The following DNMBP variants were observed in gnomAD, a reference collection of about 807,000 sequenced individuals.
DNMBP encodes the protein dynamin-binding protein.
DNMBP carries 87 observed loss-of-function variants against 150.0 expected under a neutral mutation model. The ratio of observed to expected loss-of-function variants is 0.58; its 90% CI spans 0.49 to 0.69. DNMBP has a LOEUF of 0.69. DNMBP is among the 30% of genes least tolerant of loss of function. DNMBP has a pLI of 0.00. For missense variants in DNMBP, 1,774 were observed against 1,949.0 expected (o/e 0.91, Z 1.69); for synonymous variants, 711 against 750.4 (o/e 0.95, Z 0.86).
At chr10:99,888,799 C>T in intron 12 of DNMBP, 26 bp downstream of exon 12, 1 of 1,613,314 alleles carries the variant, frequency 6.2e-7, no homozygotes, top group Non-Finnish European at 8.5e-7. Flanking sequence ...GGAAGGGGGC[C>T]AACTTTTGAA....
intron 1 of DNMBP, among the ~76,000 whole-genome samples, chr10:100,001,709 G>A (rs2041016080): frequency 6.7e-6 from 1 of 148,900 alleles, no homozygotes; most frequent in African/African-American, 2.6e-5. Flanking sequence ...CACCGTACGT[G>A]GCCTGTGCTA....
rs372135349 is a variant in DNMBP at position 99,908,052 on chromosome 10, T to A, written c.2497A>T (p.Met833Leu). ...DFEGLFGNMQ[M>L]VIKVSKQLLA... ...AATTGCTTCGAGACCTTAATCACCATCTGCATATTTCCAAAAAGTCCCTCA... is the reference window on the plus strand; with the variant it reads ...AATTGCTTCGAGACCTTAATCACCAACTGCATATTTCCAAAAAGTCCCTCA... The change falls in exon 6 of 17, where the codon ATG becomes TTG. Residue 833 changes from methionine to leucine, a missense_variant. By Grantham distance (15) the Met-to-Leu change is conservative. Around this residue, in one of 2 missense-constraint regions of DNMBP, gnomAD observed 1,430 missense variants for 1,492.5 expected, o/e 0.96. Coordinates refer to ENST00000324109, the MANE Select transcript of DNMBP (RefSeq NM_015221.4). 51 of 1,613,960 alleles carry A rather than the reference T, an allele frequency of 3.2e-5. No homozygotes were observed. Among genetic ancestry groups the A allele is most frequent in the Non-Finnish European group, 4.3e-5 (51 of 1,179,982 alleles).
At chr10:99,887,402 C>T (rs2039486221) in intron 12 of DNMBP, among the ~76,000 whole-genome samples, 2 of 151,962 alleles carry the variant, frequency 1.3e-5, no homozygotes, top group African/African-American at 4.8e-5. Context: ...TGGTGCATGC[C>T]TGTAGTCCCA....
rs1250190152 is a variant in DNMBP, at chr10:99,885,756, T to C, written c.3729A>G (p.Pro1243=). 6.2e-7 allele frequency: 1 copy of C among 1,604,830 alleles called. No homozygotes were observed. The highest frequency in any genetic ancestry group is 8.5e-7 in the Non-Finnish European group (1 of 1,174,974). ...TCCTCTCAAATGGCTTCTTGGTAGC[T>C]GGAAGAGACTCCGGGAAGAAGGTAA... ...QVFTFFPESL[P]ATKKPFERKT... The change falls in exon 14 of 17, where the codon CCA becomes CCG. Residue 1243 remains proline, a synonymous_variant. Transcript: ENST00000324109.
intron 1 of DNMBP, among the ~76,000 whole-genome samples, chr10:99,988,048 ACC>A (rs1423179665): frequency 1.3e-5 from 2 of 151,518 alleles, no homozygotes; most frequent in Non-Finnish European, 2.9e-5. Flanking sequence ...ACAACTTCAC[ACC>A]AGTTCTGCAG....
At chr10:99,930,731 C>T in intron 4 of DNMBP, 1 of 681,550 alleles carries the variant, frequency 1.5e-6, no homozygotes. Flanking sequence ...CCTCCACTTC[C>T]CTTTCTTTTC....
At chr10:99,916,403 C>A (rs553873006) in intron 4 of DNMBP, among the ~76,000 whole-genome samples, 1 of 152,098 alleles carries the variant, frequency 6.6e-6, no homozygotes, top group Non-Finnish European at 1.5e-5. Flanking sequence ...GCAGAGGCTG[C>A]GCCTCCAGCC....
intron 16 of DNMBP, among the ~76,000 whole-genome samples, chr10:99,878,848 A>C (rs1211285785): frequency 6.6e-6 from 1 of 152,140 alleles, no homozygotes; most frequent in Non-Finnish European, 1.5e-5. Flanking sequence ...AGATATGGCC[A>C]GCTGTGGGTG....
chr10:99,939,773 G>A (rs1206724983), intron 4 of DNMBP, among the ~76,000 whole-genome samples: 4 of 152,214 alleles, frequency 2.6e-5, no homozygotes, highest in African/African-American at 9.6e-5. Flanking sequence ...TGCAGATAAC[G>A]CCATTACTGT....
intron 4 of DNMBP, among the ~76,000 whole-genome samples, chr10:99,911,005 C>T (rs1487915037): frequency 2.0e-5 from 3 of 151,692 alleles, no homozygotes; most frequent in Non-Finnish European, 4.4e-5. Context: ...TTTGGGAGGC[C>T]GAGGTGGGTA....
chr10:99,932,183 G>T (rs1197394919), intron 4 of DNMBP, among the ~76,000 whole-genome samples: 1 of 152,108 alleles, frequency 6.6e-6, no homozygotes, highest in Non-Finnish European at 1.5e-5. Context: ...ATGATTCCTT[G>T]AACTTTAATC....
intron 16 of DNMBP, 138 bp from the exon 17 acceptor site, chr10:99,877,474 G>C: frequency 1.7e-6 from 1 of 580,290 alleles, no homozygotes; most frequent in Non-Finnish European, 3.0e-6. Context: ...CAGTGAGACA[G>C]AGGAACTGAA....
At chr10:99,892,944 T>G (rs549500653) in intron 11 of DNMBP, among the ~76,000 whole-genome samples, 7 of 152,146 alleles carry the variant, frequency 4.6e-5, no homozygotes, top group Admixed American at 1.3e-4. Context: ...CTGCAAACCA[T>G]CTCAGACAAA....
intron 1 of DNMBP, among the ~76,000 whole-genome samples, chr10:99,995,721 AGAGACAGGCT>A (rs2040944280): frequency 6.7e-6 from 1 of 150,062 alleles, no homozygotes; most frequent in Non-Finnish European, 1.5e-5. Context: ...GAATACACAG[AGAGACAGGCT>A]ATTCTATAAG....
At chr10:99,886,060 GC>G (rs1312792350) in intron 13 of DNMBP, among the ~76,000 whole-genome samples, 194 bp from the exon 14 acceptor site, 7 of 152,188 alleles carry the variant, frequency 4.6e-5, no homozygotes, top group Non-Finnish European at 8.8e-5. Flanking sequence ...GTTCTCCAGG[GC>G]ACTGCCTGCG....
chr10:99,882,597 C>T (rs1405940019), intron 15 of DNMBP, among the ~76,000 whole-genome samples: 4 of 151,628 alleles, frequency 2.6e-5, no homozygotes, highest in East Asian at 2.0e-4. Flanking sequence ...ATTATCGCAC[C>T]GTACCCCATA....
Position 99,972,716 on chromosome 10 carries a change from TC to T in DNMBP, c.-10-583del, listed in dbSNP as rs201859874. Reference sequence around the variant, plus strand: ...GCCTCCAGCTCCTGGGCTCAAGTGATCCTCCTACCTCAGCTTTCTGAGTAGC... The same window carrying T: ...GCCTCCAGCTCCTGGGCTCAAGTGATCTCCTACCTCAGCTTTCTGAGTAGC... On this transcript the variant is annotated intron_variant, in intron 1 of 16. Transcript: ENST00000324109. Among the ~76,000 whole-genome samples the T allele has an allele frequency of 6.2e-4, 95 of 152,336 alleles. 1 individual carries two copies. The East Asian group carries it at 0.017, about 27-fold the overall frequency.
At chr10:99,913,904 C>T (rs2133254632) in intron 4 of DNMBP, 2 of 1,287,202 alleles carry the variant, frequency 1.6e-6, no homozygotes, top group South Asian at 2.7e-5. Context: ...GACGAAGAGG[C>T]TGCCTGTTCC....
chr10:99,947,217 G>C (rs994616120), intron 4 of DNMBP, among the ~76,000 whole-genome samples: 1 of 152,134 alleles, frequency 6.6e-6, no homozygotes, highest in African/African-American at 2.4e-5. Flanking sequence ...CCAGTATTGG[G>C]TATATGCCCA....
Sources: gnomAD v4.1 joint callset for allele counts (sites outside exome capture counted in the v4.1 genomes callset) on GRCh38, gnomAD v4.1.1 for gene constraint, gnomAD v4.1.1 regional missense constraint, MANE v1.5 for transcripts, NCBI Gene and HGNC (gene_info 2026-07-23, HGNC 2026-07-21) for gene names.